Variants in SLC4A8 observed in about 807,000 individuals in gnomAD.
SLC4A8 encodes the protein electroneutral sodium bicarbonate exchanger 1.
Under a neutral mutation model 125.0 loss-of-function variants are expected in SLC4A8, and 40 were observed. The ratio of observed to expected loss-of-function variants is 0.32; its 90% CI spans 0.25 to 0.42. SLC4A8 has a LOEUF of 0.42. SLC4A8 is among the 10% of genes least tolerant of loss of function. The pLI is 1.00. For synonymous variants in SLC4A8, 456 were observed against 476.0 expected (o/e 0.96, Z 0.55); for missense variants, 863 against 1,355.1 (o/e 0.64, Z 5.70).
Position 51,399,131 on chromosome 12 carries a change from T to A in SLC4A8, c.-112+7643T>A, listed in dbSNP as rs151262169. ...TATCTGATATTAATATTACTTTGGA[T>A]TGTAAGTAAAGGAGAGGTGATAGAA... On this transcript the variant is annotated intron_variant, in intron 1 of 24. Transcript: ENST00000358657. Among the ~76,000 whole-genome samples, 213 of 152,348 alleles carry A rather than the reference T, an allele frequency of 1.4e-3. 1 individual carries two copies. Among genetic ancestry groups the A allele is most frequent in the African/African-American group, 4.9e-3 (203 of 41,590 alleles).
At chr12:51,441,116 C>T (rs1204675460) in intron 2 of SLC4A8, 2 of 1,020,158 alleles carry the variant, frequency 2.0e-6, no homozygotes, top group African/African-American at 3.4e-5. Context: ...TGACAACTGC[C>T]TGGAAATACA....
chr12:51,480,840 G>A (rs1592255482), intron 16 of SLC4A8, among the ~76,000 whole-genome samples: 1 of 152,100 alleles, frequency 6.6e-6, no homozygotes, highest in Admixed American at 6.5e-5. Flanking sequence ...TTTCTCTGTC[G>A]CTCACTTTGG....
At chr12:51,425,414 G>A in intron 1 of SLC4A8, 4 of 1,052,402 alleles carry the variant, frequency 3.8e-6, no homozygotes, top group Non-Finnish European at 4.6e-6. Flanking sequence ...ACCTTGCTCT[G>A]GTGGGGCACG....
chr12:51,470,846 T>A (rs1373381002), intron 13 of SLC4A8, among the ~76,000 whole-genome samples: 1 of 150,776 alleles, frequency 6.6e-6, no homozygotes, highest in Non-Finnish European at 1.5e-5. Flanking sequence ...TGGCCTAATA[T>A]CCTCCCCCTG....
Position 51,451,032 on chromosome 12 carries a change from T to C in SLC4A8, c.277+10T>C, listed in dbSNP as rs778746227. ...GAAGCCCTGGCCCACGGTAAGGGCCTTGGGAGACAGGGCGGGTGTCCATGG... is the reference window on the plus strand; with the variant it reads ...GAAGCCCTGGCCCACGGTAAGGGCCCTGGGAGACAGGGCGGGTGTCCATGG... On this transcript the variant is annotated intron_variant, in intron 3 of 24. Transcript: ENST00000453097. 476 of 1,478,934 alleles carry C rather than the reference T, an allele frequency of 3.2e-4. 1 individual carries two copies. Among genetic ancestry groups the C allele is most frequent in the Non-Finnish European group, 4.0e-4 (448 of 1,113,286 alleles). 91.6% of individuals were successfully genotyped at this position (1,478,934 alleles called of 1,614,324 possible). A position where few individuals can be genotyped will look rare whatever the true frequency, so the allele number is the denominator to read the frequency against.
chr12:51,452,030 A>C, intron 3 of SLC4A8, 94 bp from the exon 4 acceptor site: 1 of 1,175,598 alleles, frequency 8.5e-7, no homozygotes, highest in Non-Finnish European at 1.2e-6. Context: ...GTGGTTGTCT[A>C]TATATATTTC....
intron 1 of SLC4A8, among the ~76,000 whole-genome samples, chr12:51,432,490 C>T (rs912139964): frequency 2.6e-5 from 4 of 150,994 alleles, no homozygotes; most frequent in African/African-American, 4.9e-5. Context: ...CTTGGGAGGC[C>T]GAGGTGGGTG....
upstream of SLC4A8, among the ~76,000 whole-genome samples, chr12:51,424,049 A>C (rs1189493194): frequency 4.0e-4 from 21 of 51,946 alleles, 1 homozygote; most frequent in African/African-American, 1.3e-3. Flanking sequence ...AAAAAAAAAA[A>C]AAAACAAAAA....
chr12:51,476,301 C>A (rs1156571935), intron 16 of SLC4A8, among the ~76,000 whole-genome samples: 7 of 151,976 alleles, frequency 4.6e-5, no homozygotes, highest in Non-Finnish European at 8.8e-5. Context: ...GGCCAACATG[C>A]TGAAACCCAT....
intron 1 of SLC4A8, among the ~76,000 whole-genome samples, chr12:51,404,705 G>T (rs1948455235): frequency 6.6e-6 from 1 of 152,180 alleles, no homozygotes; most frequent in Non-Finnish European, 1.5e-5. Context: ...GAAAGATAAA[G>T]AATGAGAGGA....
chr12:51,471,689 GC>G, intron 14 of SLC4A8, 157 bp downstream of exon 14: 1 of 752,056 alleles, frequency 1.3e-6, no homozygotes. Flanking sequence ...TTGGAGGGCT[GC>G]CAGAGGAGAA....
upstream of SLC4A8, among the ~76,000 whole-genome samples, chr12:51,423,231 G>A (rs928268463): frequency 2.0e-5 from 3 of 152,170 alleles, no homozygotes; most frequent in African/African-American, 7.2e-5. Context: ...AATAACCACA[G>A]CATGACAACT....
At position 51,507,358 on chromosome 12, in the gene SLC4A8, A is replaced by C. The variant is rs879680538; in HGVS notation, c.3270-68A>C. On this transcript the variant is annotated intron_variant, in intron 24 of 24. Coordinates refer to ENST00000453097, the MANE Select transcript of SLC4A8 (RefSeq NM_001039960.3). ...ATCCAAATTGTGGTGACATCTTCAAAGTATTGTGTTAAAAGGAGGAATGAA... is the reference window on the plus strand; with the variant it reads ...ATCCAAATTGTGGTGACATCTTCAACGTATTGTGTTAAAAGGAGGAATGAA... The C allele has an allele frequency of 4.7e-6, 5 of 1,063,268 alleles. No homozygotes were observed. In the Admixed American group the frequency reaches 1.5e-4, roughly 32 times the overall value. 65.9% of individuals were successfully genotyped at this position (1,063,268 alleles called of 1,614,324 possible). A position where few individuals can be genotyped will look rare whatever the true frequency, so the allele number is the denominator to read the frequency against.
At chr12:51,451,258 A>G (rs1371428401) in intron 3 of SLC4A8, among the ~76,000 whole-genome samples, 1 of 152,046 alleles carries the variant, frequency 6.6e-6, no homozygotes, top group Non-Finnish European at 1.5e-5. Flanking sequence ...AATTTTTTGT[A>G]TTTTTGGTAG....
chr12:51,469,481 G>T, intron 11 of SLC4A8, 133 bp from the exon 12 acceptor site: 1 of 689,144 alleles, frequency 1.5e-6, no homozygotes, highest in Non-Finnish European at 2.4e-6. Flanking sequence ...AGAGTTATCT[G>T]TACTGGGGTC....
chr12:51,489,781 G>A lies in SLC4A8; in HGVS notation c.2530G>A (p.Val844Ile), dbSNP rs1951260944. Residue 844 changes from valine to isoleucine, a missense_variant, in exon 19 of 25, where the codon GTA (valine) becomes ATA (isoleucine). Coordinates refer to ENST00000453097, the MANE Select transcript of SLC4A8 (RefSeq NM_001039960.3). ...VCSIMGLPWFVAATVLSITHV... is the reference protein window; with the variant it reads ...VCSIMGLPWFIAATVLSITHV... ...CTCCATCATGGGCCTGCCCTGGTTT[G>A]TAGCTGCAACTGTCTTGTCCATCAC... 6.2e-7 allele frequency: 1 copy of A among 1,614,198 alleles called. No homozygotes were observed. The highest frequency in any genetic ancestry group is 8.5e-7 in the Non-Finnish European group (1 of 1,180,038).
At chr12:51,438,913 A>C (rs943360833) in intron 1 of SLC4A8, among the ~76,000 whole-genome samples, 2 of 136,356 alleles carry the variant, frequency 1.5e-5, no homozygotes, top group Admixed American at 6.8e-5. Flanking sequence ...TTTGTTGACT[A>C]TTTGTTTGTC....
At chr12:51,459,853 A>T in intron 7 of SLC4A8, 98 bp from the exon 8 acceptor site, 1 of 1,010,820 alleles carries the variant, frequency 9.9e-7, no homozygotes, top group Non-Finnish European at 1.5e-6. Context: ...TGGGTGATGT[A>T]GTGAGACTCT....
At chr12:51,461,028 A>C (rs1004252332) in intron 8 of SLC4A8, among the ~76,000 whole-genome samples, 176 bp from the exon 9 acceptor site, 30 of 152,066 alleles carry the variant, frequency 2.0e-4, no homozygotes, top group African/African-American at 7.0e-4. Flanking sequence ...TAGTGGAGCT[A>C]TTATTAGGTC....
Sources: allele counts gnomAD v4.1 joint callset (sites outside exome capture counted in the v4.1 genomes callset), GRCh38; gene constraint gnomAD v4.1.1; transcripts MANE v1.5; gene names NCBI Gene and HGNC (gene_info 2026-07-23, HGNC 2026-07-21).